RALYL: variants seen among roughly 807,000 people sequenced by gnomAD.
RALYL encodes the protein RNA-binding Raly-like protein.
Under a neutral mutation model 35.1 loss-of-function variants are expected in RALYL, and 29 were observed. The observed-to-expected ratio is 0.83, with a 90% CI of 0.61 to 1.13. The LOEUF (loss-of-function observed/expected upper bound fraction) is 1.13. Among genes scored for constraint, RALYL ranks in the 50% most tolerant of loss-of-function variants. RALYL has a pLI of 0.00. For missense variants in RALYL, 359 were observed against 360.4 expected (o/e 1.00, Z 0.03); for synonymous variants, 120 against 127.6 (o/e 0.94, Z 0.40).
chr8:84,733,225 T>C (rs577614554), intron 2 of RALYL, among the ~76,000 whole-genome samples: 2 of 152,126 alleles, frequency 1.3e-5, no homozygotes, highest in Non-Finnish European at 2.9e-5. Context: ...GAAGCAGATA[T>C]AGAGCAATAG....
intron 8 of RALYL, among the ~76,000 whole-genome samples, chr8:84,892,722 G>A (rs1844085886): frequency 1.3e-5 from 2 of 149,350 alleles, no homozygotes; most frequent in South Asian, 4.2e-4. Context: ...CCAGACAGAT[G>A]ACTGATTTCC....
chr8:84,380,971 T>C (rs1196298908), intron 1 of RALYL, among the ~76,000 whole-genome samples: 1 of 151,782 alleles, frequency 6.6e-6, no homozygotes. Context: ...TGTGATTGTG[T>C]TCAGAAGGTC....
rs150451718 is a variant in RALYL, at chr8:84,201,583, G to A, written c.-24+17159G>A. 2.4e-3 allele frequency among the ~76,000 whole-genome samples: 356 copies of A among 149,622 alleles called. 6 individuals are homozygous for A. The highest frequency in any genetic ancestry group is 2.9e-3 in the Non-Finnish European group (195 of 67,464). On this transcript the variant is annotated intron_variant, in intron 1 of 8. Transcript: ENST00000521268. ...TTTGCTTTTCTTTTTTTTTTTTCAA[G>A]ACAGAGTCTCACTGTCATCCAGTCT...
intron 1 of RALYL, among the ~76,000 whole-genome samples, chr8:84,466,881 G>T (rs1370775333): frequency 6.6e-6 from 1 of 151,270 alleles, no homozygotes; most frequent in East Asian, 1.9e-4. Flanking sequence ...GAGAGTGTAT[G>T]TGTCGAGGAA....
intron 1 of RALYL, among the ~76,000 whole-genome samples, chr8:84,483,765 T>C (rs1042013749): frequency 2.0e-5 from 3 of 152,134 alleles, no homozygotes; most frequent in Non-Finnish European, 4.4e-5. Context: ...TGAGTTGCAA[T>C]TGAAAGCCAT....
At chr8:84,232,194 T>A (rs2131443949) in intron 1 of RALYL, among the ~76,000 whole-genome samples, 1 of 152,154 alleles carries the variant, frequency 6.6e-6, no homozygotes, top group South Asian at 2.1e-4. Flanking sequence ...GTGGGGGGAT[T>A]TTCAGTAAAT....
chr8:84,450,542 C>A (rs1055367156), intron 1 of RALYL, among the ~76,000 whole-genome samples: 1 of 151,770 alleles, frequency 6.6e-6, no homozygotes, highest in Non-Finnish European at 1.5e-5. Context: ...TAATTTATGG[C>A]TGCGGCACAA....
intron 5 of RALYL, among the ~76,000 whole-genome samples, chr8:84,858,687 C>T (rs111763481): frequency 3.3e-5 from 5 of 152,070 alleles, no homozygotes; most frequent in African/African-American, 4.8e-5. Flanking sequence ...TACTGTAGGC[C>T]GAATTCTGAT....
intron 2 of RALYL, among the ~76,000 whole-genome samples, chr8:84,531,168 A>T (rs906019250): frequency 1.3e-5 from 2 of 152,188 alleles, no homozygotes; most frequent in Admixed American, 6.5e-5. Flanking sequence ...AAATATAAAG[A>T]TGAAGAAGCA....
chr8:84,247,736 G>A (rs545869051), intron 1 of RALYL, among the ~76,000 whole-genome samples: 146 of 152,232 alleles, frequency 9.6e-4, no homozygotes, highest in Non-Finnish European at 1.8e-3. Flanking sequence ...TAATAATACA[G>A]ACACGTCTAA....
chr8:84,773,420 T>A (rs917848506), intron 2 of RALYL, among the ~76,000 whole-genome samples: 1 of 152,206 alleles, frequency 6.6e-6, no homozygotes, highest in African/African-American at 2.4e-5. Context: ...TTGAAGCACA[T>A]CTCCTTTAGA....
At chr8:84,917,273 G>C (rs930834308) in intron 8 of RALYL, among the ~76,000 whole-genome samples, 4 of 151,838 alleles carry the variant, frequency 2.6e-5, no homozygotes, top group Non-Finnish European at 5.9e-5. Flanking sequence ...GCAGAACAAT[G>C]GGTTTGAGTT....
At chr8:84,814,138 C>T (rs1826591531) in intron 4 of RALYL, among the ~76,000 whole-genome samples, 1 of 152,158 alleles carries the variant, frequency 6.6e-6, no homozygotes, top group Non-Finnish European at 1.5e-5. Flanking sequence ...TTATATCAAA[C>T]ATTTAGCACA....
intron 1 of RALYL, among the ~76,000 whole-genome samples, chr8:84,522,432 G>T (rs943557340): frequency 1.3e-5 from 2 of 151,746 alleles, no homozygotes; most frequent in Admixed American, 1.3e-4. Flanking sequence ...TGTATTTTTA[G>T]TAGAGACGGG....
At chr8:84,267,675 C>T (rs1416660011) in intron 1 of RALYL, among the ~76,000 whole-genome samples, 1 of 152,170 alleles carries the variant, frequency 6.6e-6, no homozygotes, top group Non-Finnish European at 1.5e-5. Context: ...ACCCTTTCAG[C>T]AGACCCAGAG....
chr8:84,732,556 G>A (rs908819624), intron 2 of RALYL, among the ~76,000 whole-genome samples: 2 of 151,500 alleles, frequency 1.3e-5, no homozygotes, highest in African/African-American at 2.4e-5. Context: ...TGTCATTTCA[G>A]TACAAATTTA....
chr8:84,841,192 G>C (rs570596151), intron 4 of RALYL, among the ~76,000 whole-genome samples: 3,644 of 152,256 alleles, frequency 0.024, 145 homozygotes, highest in African/African-American at 0.083. Flanking sequence ...AAAGAGTCAA[G>C]ACCCATCAGT....
chr8:84,402,003 T>C (rs1295059256), intron 1 of RALYL, among the ~76,000 whole-genome samples: 2 of 152,072 alleles, frequency 1.3e-5, no homozygotes, highest in Non-Finnish European at 2.9e-5. Flanking sequence ...AACTCAGAGG[T>C]CTCCCTACTT....
chr8:84,883,832 GAAAT>G (rs1842543239), intron 7 of RALYL, among the ~76,000 whole-genome samples: 1 of 152,024 alleles, frequency 6.6e-6, no homozygotes. Context: ...TAGCAATCAA[GAAAT>G]AAATATAGAT....
Sources: gnomAD v4.1 joint callset for allele counts (sites outside exome capture counted in the v4.1 genomes callset) on GRCh38, gnomAD v4.1.1 for gene constraint, MANE v1.5 for transcripts, NCBI Gene and HGNC (gene_info 2026-07-23, HGNC 2026-07-21) for gene names.